Variants in PCDHGA9 observed in about 807,000 individuals in gnomAD.
PCDHGA9 encodes protocadherin gamma subfamily A, 9, also known as protocadherin gamma-A9.
Under a neutral mutation model 62.5 loss-of-function variants are expected in PCDHGA9, and 37 were observed. That is an observed-to-expected ratio of 0.59 (90% CI 0.46 to 0.78). The LOEUF (loss-of-function observed/expected upper bound fraction) is 0.78. Among genes scored for constraint, PCDHGA9 ranks in the 30% least tolerant of loss-of-function variants. The probability of loss-of-function intolerance (pLI) is 0.00; values close to 1 mark genes in which losing one functional copy is unlikely to be tolerated. For synonymous variants in PCDHGA9, 459 were observed against 484.6 expected, an observed-to-expected ratio of 0.95 and a Z score of 0.69; for missense variants, 1,138 against 1,166.2, an observed-to-expected ratio of 0.98 and a Z score of 0.35.
At chr5:141,462,523 G>GTGTT (rs2099041548) in intron 1 of PCDHGA9, among the ~76,000 whole-genome samples, 1 of 152,024 alleles carries the variant, frequency 6.6e-6, no homozygotes, top group African/African-American at 2.4e-5. Context: ...GTTAGTAAGA[G>GTGTT]TGTTGTTCAG....
intron 1 of PCDHGA9, chr5:141,430,875 T>A (rs1323872183): frequency 6.3e-7 from 1 of 1,599,400 alleles, no homozygotes; most frequent in Non-Finnish European, 8.5e-7. Context: ...CCGGAAGAGC[T>A]GGAGAAAGGC....
chr5:141,504,578 TGCCCAGGATTCACAGCAA>T (rs2099839274), intron 2 of PCDHGA9, among the ~76,000 whole-genome samples: 1 of 148,500 alleles, frequency 6.7e-6, no homozygotes, highest in African/African-American at 2.5e-5. Flanking sequence ...GAACACCATC[TGCCCAGGATTCACAGCAA>T]GAGGGAACTT....
At chr5:141,478,454 A>G (rs766350066) in intron 1 of PCDHGA9, 4 of 1,613,596 alleles carry the variant, frequency 2.5e-6, no homozygotes, top group Non-Finnish European at 3.4e-6. Context: ...TGGTGCAGCC[A>G]GTCCACTGGC....
At position 141,476,827 on chromosome 5, in the gene PCDHGA9, G is replaced by A; in HGVS notation, c.2425-17980G>A. On this transcript the variant is annotated intron_variant, in intron 1 of 3. Transcript: ENST00000573521. The surrounding 1 kb of genome is among the most constrained non-coding windows in gnomAD (Gnocchi z 7.6). ...CTATTCACATCAAGGTGCTGGACGC[G>A]AATGACAATGCGCCTGTCTTCAACC... The A allele has an allele frequency of 1.2e-6, 2 of 1,613,542 alleles. No individual in the cohort carries two copies. Among genetic ancestry groups the A allele is most frequent in the Non-Finnish European group, 1.7e-6 (2 of 1,180,046 alleles).
intron 1 of PCDHGA9, chr5:141,421,199 A>C (rs991814876): frequency 2.0e-6 from 3 of 1,514,716 alleles, no homozygotes; most frequent in Non-Finnish European, 2.6e-6. Context: ...CAGCTCGAGA[A>C]ACCGCGGAAT....
chr5:141,431,111 G>A lies in PCDHGA9; in HGVS notation c.2424+25735G>A, dbSNP rs2097343539. The A allele has an allele frequency of 1.9e-6, 3 of 1,614,110 alleles. No individual in the cohort carries two copies. Among genetic ancestry groups the A allele is most frequent in the Non-Finnish European group, 2.5e-6 (3 of 1,180,034 alleles). On this transcript the variant is annotated intron_variant, in intron 1 of 3. Coordinates refer to ENST00000573521, the MANE Select transcript of PCDHGA9 (RefSeq NM_018921.3). This position sits in a 1 kb window ranked among gnomAD's most constrained non-coding sequence, Gnocchi z 4.8. ...GATGGAGGATAAAGTGAAAATATAT[G>A]GAGTAGAAGTAGAAGTAAGGGACAT...
chr5:141,421,358 C>T (rs2096566137), intron 1 of PCDHGA9: 1 of 1,613,870 alleles, frequency 6.2e-7, no homozygotes, highest in Non-Finnish European at 8.5e-7. Context: ...GAAAAGGGCT[C>T]CTTCGTGGGC....
intron 1 of PCDHGA9, chr5:141,415,357 C>T: frequency 6.2e-7 from 1 of 1,614,250 alleles, no homozygotes; most frequent in Non-Finnish European, 8.5e-7. Context: ...CAAGTCACGC[C>T]TGCTGCAGGC....
Position 141,487,373 on chromosome 5 carries a change from C to T in PCDHGA9, c.2425-7434C>T. 2 of 1,614,224 alleles carry T rather than the reference C, an allele frequency of 1.2e-6. No homozygotes were observed. Among genetic ancestry groups the T allele is most frequent in the Non-Finnish European group, 1.7e-6 (2 of 1,180,042 alleles). On this transcript the variant is annotated intron_variant, in intron 1 of 3. Transcript: ENST00000573521. This position sits in a 1 kb window ranked among gnomAD's most constrained non-coding sequence, Gnocchi z 5.0. ...CTTTCCTGCTGGCACCTGTGCCTGTCTCACCAGATCTCGAAGGAGGGAGGG... is the reference window on the plus strand; with the variant it reads ...CTTTCCTGCTGGCACCTGTGCCTGTTTCACCAGATCTCGAAGGAGGGAGGG...
chr5:141,497,740 C>G (rs954595046), intron 2 of PCDHGA9, among the ~76,000 whole-genome samples: 9 of 152,054 alleles, frequency 5.9e-5, no homozygotes, highest in African/African-American at 2.2e-4. Context: ...GGTTTCGCCA[C>G]GTTGGCCAGG....
Position 141,476,176 on chromosome 5 carries a change from G to C in PCDHGA9, c.2425-18631G>C, listed in dbSNP as rs778169270. 1 of 1,613,530 alleles carries C rather than the reference G, an allele frequency of 6.2e-7. No homozygotes were observed. The highest frequency in any genetic ancestry group is 8.5e-7 in the Non-Finnish European group (1 of 1,180,006). On this transcript the variant is annotated intron_variant, in intron 1 of 3. Transcript: ENST00000573521. The surrounding 1 kb of genome is among the most constrained non-coding windows in gnomAD (Gnocchi z 7.6). ...GCACCGGGAGGGTAGTGGGAGTTTT[G>C]CTTCTGCTTGGTGCCTTGAACAAGG...
intron 1 of PCDHGA9, chr5:141,421,282 A>G (rs762064258): frequency 7.4e-6 from 12 of 1,613,034 alleles, no homozygotes; most frequent in Non-Finnish European, 1.0e-5. Context: ...GCTGCTGTGC[A>G]TTTTCCTGGG....
chr5:141,408,158 T>G lies in PCDHGA9; in HGVS notation c.2424+2782T>G, dbSNP rs1190245850. On this transcript the variant is annotated intron_variant, in intron 1 of 3. Coordinates refer to ENST00000573521, the MANE Select transcript of PCDHGA9 (RefSeq NM_018921.3). ...TCTTTTAGCGCGGTAGAGTGCACTTTCTCCAACTGGAAAAGCGGGGACCCA... is the reference window on the plus strand; with the variant it reads ...TCTTTTAGCGCGGTAGAGTGCACTTGCTCCAACTGGAAAAGCGGGGACCCA... The G allele has an allele frequency of 2.0e-6, 3 of 1,515,140 alleles. No individual in the cohort carries two copies. In the Admixed American group the frequency reaches 6.4e-5, roughly 32 times the overall value. The allele number at this position is 1,515,140 out of a possible 1,614,324, so 93.9% of individuals were successfully genotyped here.
At position 141,431,215 on chromosome 5, in the gene PCDHGA9, C is replaced by G. The variant is rs1225114172; in HGVS notation, c.2424+25839C>G. 1 of 1,614,184 alleles carries G rather than the reference C, an allele frequency of 6.2e-7. No individual in the cohort carries two copies. Among genetic ancestry groups the G allele is most frequent in the Admixed American group, 1.7e-5 (1 of 60,032 alleles). On this transcript the variant is annotated intron_variant, in intron 1 of 3. Coordinates refer to ENST00000573521, the MANE Select transcript of PCDHGA9 (RefSeq NM_018921.3). This position sits in a 1 kb window ranked among gnomAD's most constrained non-coding sequence, Gnocchi z 4.8. ...AAAATGCAGCCACTGAGATGCGGTTCCCTCTACCCCACGCCTGGGATCCGG... is the reference window on the plus strand; with the variant it reads ...AAAATGCAGCCACTGAGATGCGGTTGCCTCTACCCCACGCCTGGGATCCGG...
intron 2 of PCDHGA9, among the ~76,000 whole-genome samples, chr5:141,504,443 A>C (rs1043353401): frequency 2.0e-5 from 3 of 152,070 alleles, no homozygotes; most frequent in African/African-American, 4.8e-5. Context: ...CAGTGTGACT[A>C]GTGCCATGTG....
At chr5:141,420,018 G>A (rs2096458708) in intron 1 of PCDHGA9, 2 of 1,613,948 alleles carry the variant, frequency 1.2e-6, no homozygotes, top group African/African-American at 1.3e-5. Flanking sequence ...CAGTCTTTCA[G>A]CCCTACTGCA....
chr5:141,464,572 A>G (rs912710973), intron 1 of PCDHGA9, among the ~76,000 whole-genome samples: 5 of 152,148 alleles, frequency 3.3e-5, no homozygotes, highest in African/African-American at 1.2e-4. Flanking sequence ...CTACAAATAG[A>G]TGAGAATGTC....
chr5:141,455,759 A>G (rs1013283124), intron 1 of PCDHGA9, among the ~76,000 whole-genome samples: 4 of 152,300 alleles, frequency 2.6e-5, no homozygotes, highest in South Asian at 4.1e-4. Context: ...CCTGGCTCCT[A>G]GAGCCGGGGC....
In PCDHGA9 at chr5:141,490,052, A is replaced by G. The variant is rs774710472; in HGVS notation, c.2425-4755A>G. 11 of 1,614,098 alleles carry G rather than the reference A, an allele frequency of 6.8e-6. No homozygotes were observed. The highest frequency in any genetic ancestry group is 9.3e-6 in the Non-Finnish European group (11 of 1,180,014). On this transcript the variant is annotated intron_variant, in intron 1 of 3. Transcript: ENST00000573521. The surrounding 1 kb of genome is among the most constrained non-coding windows in gnomAD (Gnocchi z 5.4). ...CGCCTCAATGCCACTGATCCAGACG[A>G]GGGCACCAACGGCCAACTAGACTAT... is the stretch of plus-strand genomic sequence containing the variant.
Sources: allele counts gnomAD v4.1 joint callset (sites outside exome capture counted in the v4.1 genomes callset), GRCh38; gene constraint gnomAD v4.1.1; non-coding constraint Gnocchi (gnomAD v3.1); transcripts MANE v1.5; gene names NCBI Gene and HGNC (gene_info 2026-07-23, HGNC 2026-07-21).